The following PHF2 variants were observed in gnomAD, a reference collection of about 807,000 sequenced individuals.
The protein encoded by PHF2 is lysine-specific demethylase PHF2.
In PHF2, 27 loss-of-function variants were observed where a neutral mutation model predicts 120.5. The observed-to-expected ratio is 0.22, with a 90% CI of 0.17 to 0.31. The LOEUF (loss-of-function observed/expected upper bound fraction) is 0.31, where lower values mean the gene tolerates loss of function less well. PHF2 is among the 10% of genes least tolerant of loss of function. The probability of loss-of-function intolerance (pLI) is 1.00; values close to 1 mark genes in which losing one functional copy is unlikely to be tolerated. For synonymous variants in PHF2, 568 were observed against 592.5 expected (o/e 0.96, Z 0.60); for missense variants, 1,024 against 1,434.8 (o/e 0.71, Z 4.63).
intron 2 of PHF2, among the ~76,000 whole-genome samples, chr9:93,635,088 C>A (rs1038788487): frequency 1.3e-5 from 2 of 152,252 alleles, no homozygotes; most frequent in African/African-American, 4.8e-5. Flanking sequence ...GTGCCCGATG[C>A]TTCCCTCAGA....
chr9:93,580,720 A>G (rs1302447096), intron 1 of PHF2, among the ~76,000 whole-genome samples: 1 of 152,160 alleles, frequency 6.6e-6, no homozygotes, highest in Non-Finnish European at 1.5e-5. Flanking sequence ...CAGGTCACTT[A>G]AGTGACAGAC....
intron 1 of PHF2, among the ~76,000 whole-genome samples, chr9:93,617,777 A>G (rs1387517109): frequency 6.6e-6 from 1 of 152,232 alleles, no homozygotes; most frequent in Non-Finnish European, 1.5e-5. Flanking sequence ...GTTCGAGGGC[A>G]GGAAGGATCC....
chr9:93,643,698 C>T (rs1564392026), intron 3 of PHF2, among the ~76,000 whole-genome samples: 1 of 152,278 alleles, frequency 6.6e-6, no homozygotes, highest in East Asian at 1.9e-4. Flanking sequence ...ACTTCTTTAG[C>T]TCTTCTGAGC....
rs777214671 is a variant in PHF2 at position 93,653,324 on chromosome 9, A to G, written c.748A>G (p.Ile250Val). 3.1e-6 allele frequency: 5 copies of G among 1,613,794 alleles called. No individual in the cohort carries two copies. The highest frequency in any genetic ancestry group is 1.3e-5 in the African/African-American group (1 of 74,930). ...GAAGGACAGTTACACCGACTTCCAC[A>G]TCGACTCTGGGGGCGCCTCTGCCTG... ...CVKDSYTDFH[I>V]DSGGASAWYH... The change falls in exon 6 of 22, where the codon ATC (isoleucine) becomes GTC (valine). Residue 250 changes from isoleucine to valine, a missense_variant. Physicochemically the swap from Ile to Val is conservative, Grantham distance 29. This residue lies in a region of PHF2 where 347 missense variants were observed against 577.4 expected (regional missense o/e 0.60). Transcript: ENST00000359246.
At position 93,677,979 on chromosome 9, in the gene PHF2, G is replaced by A. The variant is rs910058480; in HGVS notation, c.*303G>A. 3.2e-5 allele frequency: 11 copies of A among 345,744 alleles called. No individual in the cohort carries two copies. In the Admixed American group the frequency reaches 3.2e-4, roughly 10 times the overall value. 21.4% of individuals were successfully genotyped at this position (345,744 alleles called of 1,614,324 possible). On this transcript the variant is annotated 3_prime_UTR_variant, in exon 22 of 22. Coordinates refer to ENST00000359246, the MANE Select transcript of PHF2 (RefSeq NM_005392.4). This position sits in a 1 kb window ranked among gnomAD's most constrained non-coding sequence, Gnocchi z 4.4. ...CAGCCTTCAGGCCCCCTGAGCGTGGGTGTGATTGCAGGGCCTCTGCAGCTC... is the reference window on the plus strand; with the variant it reads ...CAGCCTTCAGGCCCCCTGAGCGTGGATGTGATTGCAGGGCCTCTGCAGCTC...
At chr9:93,649,309 C>A in intron 5 of PHF2, 97 bp downstream of exon 5, 3 of 940,892 alleles carry the variant, frequency 3.2e-6, no homozygotes, top group Non-Finnish European at 4.8e-6. Flanking sequence ...TCGAAGGTAT[C>A]AGAGTCTGGA....
At chr9:93,604,441 C>T (rs1174213958) in intron 1 of PHF2, among the ~76,000 whole-genome samples, 1 of 149,600 alleles carries the variant, frequency 6.7e-6, no homozygotes, top group South Asian at 2.1e-4. Context: ...CTCCTGAATT[C>T]AAGAAACAGA....
chr9:93,589,770 G>A (rs1294071336), intron 1 of PHF2, among the ~76,000 whole-genome samples: 1 of 152,182 alleles, frequency 6.6e-6, no homozygotes, highest in Non-Finnish European at 1.5e-5. Flanking sequence ...CCTCTCCCCT[G>A]TCTCCCCGTT....
At chr9:93,576,907 C>T (rs770393542) in intron 1 of PHF2, 36 bp downstream of exon 1, 58 of 924,250 alleles carry the variant, frequency 6.3e-5, no homozygotes, top group Non-Finnish European at 7.5e-5. Flanking sequence ...CGGCCCGGCC[C>T]GGCCCGGCCA....
At chr9:93,577,265 C>T (rs1226104609) in intron 1 of PHF2, among the ~76,000 whole-genome samples, 1 of 151,458 alleles carries the variant, frequency 6.6e-6, no homozygotes, top group Non-Finnish European at 1.5e-5. Context: ...CCCGCCGCCT[C>T]CCCCCTGCGA....
At chr9:93,610,031 AT>A (rs923575693) in intron 1 of PHF2, among the ~76,000 whole-genome samples, 1 of 148,654 alleles carries the variant, frequency 6.7e-6, no homozygotes, top group Non-Finnish European at 1.5e-5. Context: ...TTTGTGTTTG[AT>A]TTTTTTTTGC....
At chr9:93,602,802 G>A (rs576712631) in intron 1 of PHF2, among the ~76,000 whole-genome samples, 3 of 152,278 alleles carry the variant, frequency 2.0e-5, no homozygotes, top group African/African-American at 4.8e-5. Context: ...GATTGTAGTC[G>A]AGTTTTATAG....
chr9:93,613,624 A>G (rs1368589601), intron 1 of PHF2, among the ~76,000 whole-genome samples: 2 of 150,816 alleles, frequency 1.3e-5, no homozygotes, highest in Non-Finnish European at 2.9e-5. Context: ...CAGTAGAGCA[A>G]TCATAACTCA....
chr9:93,634,473 C>A (rs993207808), intron 2 of PHF2, among the ~76,000 whole-genome samples: 5 of 152,204 alleles, frequency 3.3e-5, no homozygotes, highest in African/African-American at 1.2e-4. Context: ...GCTTGGGTAA[C>A]ACCTGCTCCA....
At chr9:93,626,700 G>T (rs1364530129) in intron 1 of PHF2, among the ~76,000 whole-genome samples, 4 of 152,114 alleles carry the variant, frequency 2.6e-5, no homozygotes, top group African/African-American at 7.2e-5. Flanking sequence ...CTTCTAAAAG[G>T]TTTATAATTT....
intron 12 of PHF2, 76 bp from the exon 13 acceptor site, chr9:93,662,831 C>G (rs1476953083): frequency 1.9e-6 from 3 of 1,564,910 alleles, no homozygotes; most frequent in Non-Finnish European, 2.6e-6. Context: ...CAGAAGAAGA[C>G]AGGGAATCTG....
intron 19 of PHF2, 140 bp downstream of exon 19, chr9:93,675,162 C>G: frequency 5.9e-6 from 4 of 679,166 alleles, no homozygotes; most frequent in Non-Finnish European, 2.5e-6. Context: ...GCCCGTCCCG[C>G]TGGGGTTGGT....
At chr9:93,673,480 CCAGGAGTTTGTG>C (rs1046439552) in intron 17 of PHF2, 93 bp from the exon 18 acceptor site, 120 of 1,056,212 alleles carry the variant, frequency 1.1e-4, no homozygotes, top group Middle Eastern at 9.9e-4. Flanking sequence ...GCCACCTGGG[CCAGGAGTTTGTG>C]CAGGAGTTTG....
Position 93,663,566 on chromosome 9 carries a change from A to G in PHF2, c.1868A>G (p.Glu623Gly), listed in dbSNP as rs1440867424. 1.2e-6 allele frequency: 2 copies of G among 1,613,706 alleles called. No homozygotes were observed. The highest frequency in any genetic ancestry group is 1.7e-6 in the Non-Finnish European group (2 of 1,179,744). Reference protein sequence around the residue: ...LLKMEEEQKLEKSPLAGNKDN... With the variant: ...LLKMEEEQKLGKSPLAGNKDN... ...AAGATGGAAGAGGAGCAGAAGCTAGAGAAGTCGCCTCTAGCTGGAAACAAA... is the reference window on the plus strand; with the variant it reads ...AAGATGGAAGAGGAGCAGAAGCTAGGGAAGTCGCCTCTAGCTGGAAACAAA... The change falls in exon 14 of 22, where the codon GAG (glutamate) becomes GGG (glycine). Residue 623 changes from glutamate to glycine, a missense_variant. Physicochemically the swap from Glu to Gly is moderately conservative, Grantham distance 98. Coordinates refer to ENST00000359246, the MANE Select transcript of PHF2 (RefSeq NM_005392.4).
Sources: allele counts gnomAD v4.1 joint callset (sites outside exome capture counted in the v4.1 genomes callset), GRCh38; gene constraint gnomAD v4.1.1; regional missense constraint gnomAD v4.1.1; non-coding constraint Gnocchi (gnomAD v3.1); transcripts MANE v1.5; gene names NCBI Gene and HGNC (gene_info 2026-07-23, HGNC 2026-07-21).